The following REPS2 variants were observed in gnomAD, a reference collection of about 807,000 sequenced individuals.
REPS2 encodes the protein RALBP1 associated Eps domain containing 2, also known as ralBP1-associated Eps domain-containing protein 2.
Under a neutral mutation model 53.6 loss-of-function variants are expected in REPS2, and 23 were observed. That is an observed-to-expected ratio of 0.43 (90% CI 0.31 to 0.61). The LOEUF is 0.61. Ranked by LOEUF, REPS2 falls within the 20% of genes least tolerant of loss-of-function variation. The probability of loss-of-function intolerance (pLI) is 0.11; values close to 1 mark genes in which losing one functional copy is unlikely to be tolerated. For synonymous variants in REPS2, 238 were observed against 218.6 expected, an observed-to-expected ratio of 1.09 and a Z score of -0.78; for missense variants, 446 against 534.9, an observed-to-expected ratio of 0.83 and a Z score of 1.64.
At chrX:17,187,797 A>G in the REPS2 span, among the ~76,000 whole-genome samples, 3 of 112,492 alleles carry the variant, frequency 2.7e-5, no homozygotes, top group Admixed American at 2.8e-4. Context: ...GGCCACATCC[A>G]TGAATCATCT....
At chrX:17,024,874 T>C (rs747989497) in intron 3 of REPS2, among the ~76,000 whole-genome samples, 185 bp from the exon 4 acceptor site, 6 of 112,040 alleles carry the variant, frequency 5.4e-5, no homozygotes, top group Admixed American at 1.9e-4. Flanking sequence ...GATTTTATTC[T>C]CTGGGAGACT....
At chrX:17,054,289 G>C (rs1053717880) in intron 7 of REPS2, among the ~76,000 whole-genome samples, 1 of 112,796 alleles carries the variant, frequency 8.9e-6, no homozygotes, top group Non-Finnish European at 1.9e-5. Context: ...GCAAAGAACA[G>C]TTTGGTACAA....
chrX:17,012,413 C>A (rs1391806842), intron 2 of REPS2, among the ~76,000 whole-genome samples: 1 of 108,797 alleles, frequency 9.2e-6, no homozygotes, highest in Admixed American at 9.8e-5. Context: ...ACAACAACAA[C>A]AAACAAAACC....
intron 1 of REPS2, among the ~76,000 whole-genome samples, chrX:16,974,889 T>C (rs913907804): frequency 2.7e-5 from 3 of 109,682 alleles, no homozygotes; most frequent in African/African-American, 1.0e-4. Flanking sequence ...CCAATAGGCC[T>C]CAGTGTCTGT....
intron 14 of REPS2, among the ~76,000 whole-genome samples, chrX:17,115,504 A>T (rs1336949019): frequency 9.0e-6 from 1 of 111,218 alleles, no homozygotes; most frequent in Non-Finnish European, 1.9e-5. Flanking sequence ...CTCTTGTCTC[A>T]ATTGCAAGAG....
At chrX:17,036,836 G>A (rs1017917070) in intron 5 of REPS2, among the ~76,000 whole-genome samples, 3 of 56,401 alleles carry the variant, frequency 5.3e-5, no homozygotes, top group African/African-American at 2.3e-4. Context: ...GATAGATAGA[G>A]GGAGAGAGTA....
At chrX:17,025,245 C>T (rs9887218) in intron 4 of REPS2, 60 bp downstream of exon 4, 26,985 of 1,098,879 alleles carry the variant, frequency 0.025, 298 homozygotes, top group Non-Finnish European at 0.027. Flanking sequence ...CCTTAATTTA[C>T]CAGGCGGTAA....
chrX:17,160,272 G>C, the REPS2 span, among the ~76,000 whole-genome samples: 2 of 112,430 alleles, frequency 1.8e-5, no homozygotes, highest in Non-Finnish European at 3.8e-5. Context: ...ACCAGTACTT[G>C]ATGATTTGGG....
chrX:17,067,747 T>C (rs1036793740), intron 9 of REPS2, among the ~76,000 whole-genome samples: 3 of 112,021 alleles, frequency 2.7e-5, no homozygotes, highest in Non-Finnish European at 5.6e-5. Context: ...GTGGGGCCAC[T>C]TGTCAGAACT....
intron 9 of REPS2, among the ~76,000 whole-genome samples, chrX:17,065,001 A>G (rs932931194): frequency 8.9e-6 from 1 of 112,679 alleles, no homozygotes. Flanking sequence ...TTGTATGGAT[A>G]TGCTACATTT....
chrX:16,974,516 G>T (rs192988020), intron 1 of REPS2, among the ~76,000 whole-genome samples: 1 of 110,147 alleles, frequency 9.1e-6, no homozygotes, highest in African/African-American at 3.3e-5. Flanking sequence ...ATTAGCCATG[G>T]CACCTATAAT....
At chrX:17,180,642 G>A in the REPS2 span, among the ~76,000 whole-genome samples, 7 of 106,430 alleles carry the variant, frequency 6.6e-5, no homozygotes, top group Non-Finnish European at 9.6e-5. Context: ...ACACACACAC[G>A]CACACACACA....
At chrX:16,974,661 C>T (rs184799328) in intron 1 of REPS2, among the ~76,000 whole-genome samples, 77 of 110,091 alleles carry the variant, frequency 7.0e-4, no homozygotes, top group African/African-American at 2.5e-3. Flanking sequence ...AAAAAAGGAA[C>T]GTACCAAATT....
chrX:17,099,021 C>T (rs1223076255), intron 13 of REPS2, among the ~76,000 whole-genome samples: 2 of 111,656 alleles, frequency 1.8e-5, no homozygotes. Flanking sequence ...ACCTTCCTTC[C>T]TCAGTCAATT....
intron 5 of REPS2, among the ~76,000 whole-genome samples, chrX:17,041,244 A>G (rs947157008): frequency 9.0e-6 from 1 of 110,979 alleles, no homozygotes; most frequent in Non-Finnish European, 1.9e-5. Context: ...ACTCAGTCAC[A>G]TGGCTGCATG....
rs1424926476 is a variant in REPS2, at chrX:17,135,364, C to T, written c.1766C>T (p.Pro589Leu). Residue 589 changes from proline to leucine, a missense_variant, in exon 16 of 18, where the codon CCA (proline) becomes CTA (leucine). Transcript: ENST00000357277. Reference protein sequence around the residue: ...NQEPSTAASGPASAATMKPHP... With the variant: ...NQEPSTAASGLASAATMKPHP... ...GAGCCTTCCACTGCTGCAAGTGGGC[C>T]AGCTTCTGCGGCAACCATGAAACCG... 8.3e-7 allele frequency: 1 copy of T among 1,209,854 alleles called. No individual in the cohort carries two copies. The highest frequency in any genetic ancestry group is 1.7e-5 in the African/African-American group (1 of 57,179).
intron 2 of REPS2, among the ~76,000 whole-genome samples, chrX:17,019,928 A>T (rs985978711): frequency 1.8e-5 from 2 of 112,523 alleles, no homozygotes; most frequent in African/African-American, 6.5e-5. Context: ...CACCTTCATG[A>T]AAGTTTTCCA....
At chrX:17,118,082 C>T (rs2063085460) in intron 14 of REPS2, among the ~76,000 whole-genome samples, 1 of 100,298 alleles carries the variant, frequency 1.0e-5, no homozygotes, top group Non-Finnish European at 2.0e-5. Context: ...GCCTCAGCCT[C>T]CCAAGTAGCT....
chrX:16,958,800 T>G (rs1442850995), intron 1 of REPS2, among the ~76,000 whole-genome samples: 1 of 110,893 alleles, frequency 9.0e-6, no homozygotes, highest in African/African-American at 3.3e-5. Context: ...TTGCGCTGAG[T>G]GGATGGAAAG....
Sources: allele counts gnomAD v4.1 joint callset (sites outside exome capture counted in the v4.1 genomes callset), GRCh38; gene constraint gnomAD v4.1.1; transcripts MANE v1.5; gene names NCBI Gene and HGNC (gene_info 2026-07-23, HGNC 2026-07-21).